Variants in JAZF1 observed in about 807,000 individuals in gnomAD.
JAZF1 encodes JAZF zinc finger 1.
In JAZF1, 8 loss-of-function variants were observed where a neutral mutation model predicts 26.4. The observed-to-expected ratio is 0.30, with a 90% CI of 0.18 to 0.55. The LOEUF (loss-of-function observed/expected upper bound fraction) is 0.55, where lower values mean the gene tolerates loss of function less well. JAZF1 is among the 20% of genes least tolerant of loss of function. The pLI is 0.94. For missense variants in JAZF1, 199 were observed against 322.0 expected (o/e 0.62, Z 2.92); for synonymous variants, 126 against 122.3 (o/e 1.03, Z -0.20).
intron 1 of JAZF1, among the ~76,000 whole-genome samples, chr7:28,021,326 G>T (rs1411809449): frequency 1.3e-5 from 2 of 152,166 alleles, no homozygotes; most frequent in Non-Finnish European, 1.5e-5. Flanking sequence ...GACAAAACAG[G>T]ATTTACGCCC....
At chr7:27,874,746 C>T (rs932323689) in intron 3 of JAZF1, among the ~76,000 whole-genome samples, 29 of 152,166 alleles carry the variant, frequency 1.9e-4, no homozygotes, top group African/African-American at 6.8e-4. Flanking sequence ...TCGCTAGCAG[C>T]CTGCTGGACA....
intron 1 of JAZF1, among the ~76,000 whole-genome samples, chr7:28,051,650 G>A (rs1268229216): frequency 1.3e-5 from 2 of 151,908 alleles, no homozygotes; most frequent in South Asian, 2.1e-4. Context: ...TAACCAAGGC[G>A]TCTCCCCAAC....
intron 1 of JAZF1, among the ~76,000 whole-genome samples, chr7:28,032,909 T>C (rs1783216201): frequency 6.6e-6 from 1 of 152,074 alleles, no homozygotes. Flanking sequence ...GTCCTCCCAC[T>C]GCAGCTCCAG....
intron 1 of JAZF1, among the ~76,000 whole-genome samples, chr7:28,139,783 C>G (rs1583581337): frequency 6.6e-6 from 1 of 152,182 alleles, no homozygotes; most frequent in South Asian, 2.1e-4. Flanking sequence ...ATCACATTTA[C>G]TGAGGATCCA....
chr7:27,863,601 T>C (rs553939966), intron 3 of JAZF1, among the ~76,000 whole-genome samples: 1 of 152,282 alleles, frequency 6.6e-6, no homozygotes, highest in Admixed American at 6.5e-5. Context: ...CCCCCAGCAC[T>C]GGAATGCAAG....
intron 1 of JAZF1, among the ~76,000 whole-genome samples, chr7:28,086,161 C>T (rs923121396): frequency 1.3e-5 from 2 of 152,172 alleles, no homozygotes; most frequent in Non-Finnish European, 2.9e-5. Flanking sequence ...GTCTTTATGA[C>T]ATCATGCCAT....
At chr7:28,057,789 C>T (rs2128381768) in intron 1 of JAZF1, among the ~76,000 whole-genome samples, 1 of 152,292 alleles carries the variant, frequency 6.6e-6, no homozygotes, top group East Asian at 1.9e-4. Flanking sequence ...AATCTCTGCC[C>T]TAACTGCAGT....
intron 1 of JAZF1, among the ~76,000 whole-genome samples, chr7:28,047,349 C>G (rs1485176831): frequency 6.6e-6 from 1 of 151,960 alleles, no homozygotes; most frequent in Admixed American, 6.5e-5. Context: ...ACTTTAGAAA[C>G]AAACTTTAAA....
chr7:28,115,092 T>C (rs997529063), intron 1 of JAZF1, among the ~76,000 whole-genome samples: 4 of 152,168 alleles, frequency 2.6e-5, no homozygotes, highest in South Asian at 2.1e-4. Flanking sequence ...ATGACACATG[T>C]AGGTTCTGTT....
chr7:28,003,646 C>T (rs548560658), intron 1 of JAZF1, among the ~76,000 whole-genome samples: 71 of 152,282 alleles, frequency 4.7e-4, no homozygotes, highest in Middle Eastern at 3.4e-3. Context: ...TTTATTAATG[C>T]AGATCTGTTC....
In JAZF1 at chr7:28,054,389, GGCAGTCACCA is replaced by G. The variant is rs1449274286; in HGVS notation, c.116-62418_116-62409del. Among the ~76,000 whole-genome samples the G allele has an allele frequency of 2.0e-5, 3 of 152,150 alleles. No individual in the cohort carries two copies. The East Asian group carries it at 5.8e-4, about 29-fold the overall frequency. On this transcript the variant is annotated intron_variant, in intron 1 of 4. Transcript: ENST00000283928. ...TGGATATTCAACTAGTGTATGGCAA[GGCAGTCACCA>G]GCACTGGAACGAAAATGGGTCCTTT...
intron 1 of JAZF1, among the ~76,000 whole-genome samples, chr7:28,104,583 T>C (rs1784522444): frequency 6.6e-6 from 1 of 152,246 alleles, no homozygotes; most frequent in African/African-American, 2.4e-5. Context: ...CACTGTTGTA[T>C]TGAAGATATG....
intron 3 of JAZF1, among the ~76,000 whole-genome samples, chr7:27,865,487 C>T (rs1485466907): frequency 6.6e-6 from 1 of 152,076 alleles, no homozygotes; most frequent in Non-Finnish European, 1.5e-5. Context: ...ATCTTTAAAG[C>T]CATATTTAAC....
At chr7:27,958,054 A>G (rs1000059601) in intron 2 of JAZF1, among the ~76,000 whole-genome samples, 7 of 152,200 alleles carry the variant, frequency 4.6e-5, no homozygotes, top group African/African-American at 1.7e-4. Flanking sequence ...TTTATCACAC[A>G]GAGAGGAGGT....
intron 1 of JAZF1, chr7:28,071,501 T>C (rs1783976379): frequency 2.4e-6 from 1 of 422,978 alleles, no homozygotes; most frequent in Admixed American, 3.1e-5. Context: ...ATAGAACCAT[T>C]TGGAAAGATT....
intron 2 of JAZF1, among the ~76,000 whole-genome samples, chr7:27,957,127 G>T (rs546213657): frequency 2.0e-5 from 3 of 151,716 alleles, no homozygotes; most frequent in Admixed American, 6.6e-5. Context: ...AATCATCTTT[G>T]GTTCTCTTCC....
intron 1 of JAZF1, among the ~76,000 whole-genome samples, chr7:28,094,361 A>G (rs6977730): frequency 0.17 from 26,246 of 152,080 alleles, 4,931 homozygotes; most frequent in African/African-American, 0.47. Flanking sequence ...GCAAGGAACA[A>G]GACAGAAACC....
At chr7:28,130,714 C>T (rs867977080) in intron 1 of JAZF1, among the ~76,000 whole-genome samples, 2 of 152,186 alleles carry the variant, frequency 1.3e-5, no homozygotes, top group African/African-American at 4.8e-5. Context: ...TGTAGACTGT[C>T]GAGTGGTACT....
At position 27,901,947 on chromosome 7, in the gene JAZF1, C is replaced by T. The variant is rs140293598; in HGVS notation, c.189-6531G>A. On this transcript the variant is annotated intron_variant, in intron 2 of 4. Transcript: ENST00000283928. The stretch of plus-strand genomic sequence containing the variant: ...AACCCATTATAAGAAACGTATCTCA[C>T]GGTGCGACCTGGTGCGCTCACATGT... Among the ~76,000 whole-genome samples, 100 of 152,314 alleles carry T rather than the reference C, an allele frequency of 6.6e-4. 3 individuals are homozygous for T. In the East Asian group the frequency reaches 0.015, roughly 22 times the overall value.
Sources: gnomAD v4.1 joint callset for allele counts (sites outside exome capture counted in the v4.1 genomes callset) on GRCh38, gnomAD v4.1.1 for gene constraint, MANE v1.5 for transcripts, NCBI Gene and HGNC (gene_info 2026-07-23, HGNC 2026-07-21) for gene names.